Variants in RNF130 observed in about 807,000 individuals in gnomAD.
RNF130 encodes E3 ubiquitin-protein ligase RNF130.
In RNF130, 21 loss-of-function variants were observed where a neutral mutation model predicts 44.6. The ratio of observed to expected loss-of-function variants is 0.47; its 90% CI spans 0.33 to 0.68. The LOEUF is 0.68. RNF130 is among the 30% of genes least tolerant of loss of function. The pLI, the probability that RNF130 is intolerant of heterozygous loss-of-function variation, is 0.02. For synonymous variants in RNF130, 214 were observed against 210.4 expected (o/e 1.02, Z -0.15); for missense variants, 479 against 560.6 (o/e 0.85, Z 1.47).
At chr5:179,972,374 C>T (rs762696221) in intron 5 of RNF130, among the ~76,000 whole-genome samples, 1 of 152,130 alleles carries the variant, frequency 6.6e-6, no homozygotes, top group Non-Finnish European at 1.5e-5. Flanking sequence ...ACTGGGTTAG[C>T]GCTAGGGTGG....
At chr5:180,017,926 T>C (rs1686143798) in intron 2 of RNF130, among the ~76,000 whole-genome samples, 1 of 152,228 alleles carries the variant, frequency 6.6e-6, no homozygotes, top group Admixed American at 6.5e-5. Context: ...GTTCAGTAAC[T>C]GCTGCAGCGT....
intron 7 of RNF130, among the ~76,000 whole-genome samples, chr5:179,948,166 A>G (rs1414524793): frequency 1.3e-5 from 2 of 152,232 alleles, no homozygotes; most frequent in Admixed American, 6.5e-5. Flanking sequence ...AGTTTTCTTC[A>G]CTTGTAAAAC....
At chr5:180,017,020 C>T (rs573721671) in intron 2 of RNF130, among the ~76,000 whole-genome samples, 9 of 152,246 alleles carry the variant, frequency 5.9e-5, no homozygotes, top group African/African-American at 2.2e-4. Flanking sequence ...AGCTGTTTAA[C>T]TTGTTTAGTT....
chr5:179,985,555 C>T (rs1013108516), intron 3 of RNF130, among the ~76,000 whole-genome samples: 1 of 152,060 alleles, frequency 6.6e-6, no homozygotes. Flanking sequence ...ATCAAAAAAA[C>T]GTTAAAAGGC....
At chr5:179,988,714 T>C (rs1436767556) in intron 3 of RNF130, among the ~76,000 whole-genome samples, 2 of 152,244 alleles carry the variant, frequency 1.3e-5, no homozygotes, top group Non-Finnish European at 2.9e-5. Context: ...AAAGTTCCTC[T>C]GGTTATTGAG....
chr5:179,958,123 C>T (rs1421926949), intron 8 of RNF130, among the ~76,000 whole-genome samples: 5 of 152,058 alleles, frequency 3.3e-5, no homozygotes, highest in African/African-American at 4.8e-5. Context: ...GTGATCCGCC[C>T]GCCTCGGTCT....
chr5:180,056,204 C>T (rs912709412), intron 1 of RNF130, among the ~76,000 whole-genome samples: 7 of 151,888 alleles, frequency 4.6e-5, no homozygotes, highest in Admixed American at 3.3e-4. Context: ...GATTTATTCC[C>T]GCTGTTACTC....
In RNF130 at chr5:180,013,128, G is replaced by A. The variant is rs557473050; in HGVS notation, c.626C>T (p.Ser209Phe). Residue 209 changes from serine to phenylalanine, a missense_variant, in exon 3 of 9, where the codon TCT (serine) becomes TTT (phenylalanine). Ser to Phe is a radical substitution (Grantham distance 155, BLOSUM62 -2). Transcript: ENST00000521389. Reference sequence around the variant, plus strand: ...GAAGTAGAATATGAGCCATGCTGAAGAAATAATCATCAAAACAATAAAGGA... The same window carrying A: ...GAAGTAGAATATGAGCCATGCTGAAAAAATAATCATCAAAACAATAAAGGA... ...SISFIVLMII[S>F]SAWLIFYFIQ... 1.2e-6 allele frequency: 2 copies of A among 1,614,022 alleles called. No homozygotes were observed. Among genetic ancestry groups the A allele is most frequent in the South Asian group, 2.2e-5 (2 of 91,068 alleles).
intron 7 of RNF130, among the ~76,000 whole-genome samples, chr5:179,945,844 C>G (rs1762029509): frequency 2.1e-5 from 3 of 145,564 alleles, no homozygotes; most frequent in Non-Finnish European, 1.5e-5. Context: ...GATTCCAGCC[C>G]GAAGAGTGTG....
chr5:179,966,883 C>T lies in RNF130; in HGVS notation c.1073G>A (p.Arg358Gln), dbSNP rs762039749. 8.1e-6 allele frequency: 13 copies of T among 1,614,076 alleles called. No individual in the cohort carries two copies. Among genetic ancestry groups the T allele is most frequent in the Middle Eastern group, 1.6e-4 (1 of 6,084 alleles). The change falls in exon 7 of 9, where the codon CGA becomes CAA. Residue 358 changes from arginine (R) to glutamine (Q), a missense_variant. Physicochemically the swap from Arg to Gln is conservative, Grantham distance 43. This residue lies in a region of RNF130 where 161 missense variants were observed against 158.6 expected (regional missense o/e 1.02). Coordinates refer to ENST00000521389, the MANE Select transcript of RNF130 (RefSeq NM_018434.6). ...GDNSLGLEPL[R>Q]TSGISPLPQD... ...AGGAAGAGGTGAGATCCCCGAAGTT[C>T]GAAGTGGCTCAAGGCCAAGGGAGTT...
chr5:180,049,128 C>T (rs1484791330), intron 1 of RNF130, among the ~76,000 whole-genome samples: 3 of 152,194 alleles, frequency 2.0e-5, no homozygotes, highest in Admixed American at 2.0e-4. Context: ...CATCAGAATC[C>T]ACACTTGGCA....
chr5:179,914,239 T>A (rs1473910314), exon 8 of RNF130: 2 of 152,254 alleles, frequency 1.3e-5, no homozygotes, highest in Non-Finnish European at 2.9e-5. Context: ...AGGTGCCTAT[T>A]TTAAGCTGTG....
At chr5:180,000,084 T>G (rs1239705181) in intron 3 of RNF130, among the ~76,000 whole-genome samples, 2 of 152,226 alleles carry the variant, frequency 1.3e-5, no homozygotes, top group Non-Finnish European at 2.9e-5. Context: ...CTTTTCAAAA[T>G]GTAAAACTCT....
intron 1 of RNF130, among the ~76,000 whole-genome samples, chr5:180,045,366 C>T (rs1357926655): frequency 7.2e-5 from 11 of 152,208 alleles, no homozygotes; most frequent in African/African-American, 2.4e-4. Flanking sequence ...GGAGTTTCTT[C>T]TTACTGGTGG....
chr5:179,963,600 GAGA>G (rs1386881949), intron 7 of RNF130, 36 bp from the exon 8 acceptor site: 2 of 1,467,072 alleles, frequency 1.4e-6, no homozygotes, highest in Non-Finnish European at 1.9e-6. Context: ...TCACTCTGGG[GAGA>G]AGGTTTAAGT....
intron 7 of RNF130, among the ~76,000 whole-genome samples, chr5:179,945,716 A>G (rs946375901): frequency 2.6e-5 from 4 of 152,064 alleles, no homozygotes; most frequent in African/African-American, 4.8e-5. Flanking sequence ...TGGAAATTCA[A>G]TTTGCTTTGC....
At chr5:179,921,408 G>C (rs1282407339) in intron 7 of RNF130, among the ~76,000 whole-genome samples, 5 of 152,234 alleles carry the variant, frequency 3.3e-5, no homozygotes, top group African/African-American at 1.2e-4. Context: ...CACATAAATT[G>C]TGTGAACATA....
At chr5:180,012,954 A>G in intron 3 of RNF130, 107 bp downstream of exon 3, 1 of 1,299,174 alleles carries the variant, frequency 7.7e-7, no homozygotes, top group South Asian at 1.5e-5. Flanking sequence ...GAGTGAGGGT[A>G]ACAACATTTT....
intron 1 of RNF130, among the ~76,000 whole-genome samples, chr5:180,063,523 T>C (rs1765033668): frequency 6.6e-6 from 1 of 152,160 alleles, no homozygotes; most frequent in South Asian, 2.1e-4. Flanking sequence ...GATGTCTTTG[T>C]GACACTGAAG....
Sources: allele counts gnomAD v4.1 joint callset (sites outside exome capture counted in the v4.1 genomes callset), GRCh38; gene constraint gnomAD v4.1.1; regional missense constraint gnomAD v4.1.1; transcripts MANE v1.5; gene names NCBI Gene and HGNC (gene_info 2026-07-23, HGNC 2026-07-21).